The following GPR31 variants were observed in gnomAD, a reference collection of about 807,000 sequenced individuals.
The protein encoded by GPR31 is 12-(S)-hydroxy-5,8,10,14-eicosatetraenoic acid receptor.
For synonymous variants in GPR31, 209 were observed against 183.8 expected (o/e 1.14, Z -1.11); for missense variants, 394 against 400.5 (o/e 0.98, Z 0.14).
At position 167,155,912 on chromosome 6, in the gene GPR31, A is replaced by G. The variant is rs1782058217; in HGVS notation, c.*960T>C. Among the ~76,000 whole-genome samples, 1 of 152,242 alleles carries G rather than the reference A, an allele frequency of 6.6e-6. No homozygotes were observed. The highest frequency in any genetic ancestry group is 6.5e-5 in the Admixed American group (1 of 15,290). ...ATACAATTTACAAGGAATGAGATGA[A>G]AAGATGGCAGCTGTTGTAACGGCAT... On this transcript the variant is annotated 3_prime_UTR_variant, in exon 1 of 1. Transcript: ENST00000366834.
Position 167,157,638 on chromosome 6 carries a change from G to T in GPR31, c.194C>A (p.Ala65Glu), listed in dbSNP as rs1335437298. 1 of 1,613,694 alleles carries T rather than the reference G, an allele frequency of 6.2e-7. No individual in the cohort carries two copies. The highest frequency in any genetic ancestry group is 8.5e-7 in the Non-Finnish European group (1 of 1,179,944). The change falls in exon 1 of 1, where the codon GCG (alanine) becomes GAG (glutamate). Residue 65 changes from alanine (A) to glutamate (E), a missense_variant. Coordinates refer to ENST00000366834, the MANE Select transcript of GPR31 (RefSeq NM_005299.3). Reference protein sequence around the residue: ...NLALADLLLAACLPFLAAFYL... With the variant: ...NLALADLLLAECLPFLAAFYL... ...GAAGGCGGCCAGGAAAGGCAGGCAC[G>T]CAGCCAACAGCAGGTCAGCCAGGGC...
At position 167,155,466 on chromosome 6, in the gene GPR31, T is replaced by G. The variant is rs1271263250; in HGVS notation, c.*1406A>C. Among the ~76,000 whole-genome samples, 1 of 152,210 alleles carries G rather than the reference T, an allele frequency of 6.6e-6. No homozygotes were observed. The highest frequency in any genetic ancestry group is 1.5e-5 in the Non-Finnish European group (1 of 68,046). Reference sequence around the variant, plus strand: ...CACTCCCACATTTCAAATTTGGTTCTGATAAGGAACCTCCCTGGCAGGCTG... The same window carrying G: ...CACTCCCACATTTCAAATTTGGTTCGGATAAGGAACCTCCCTGGCAGGCTG... On this transcript the variant is annotated 3_prime_UTR_variant, in exon 1 of 1. Transcript: ENST00000366834.
chr6:167,157,184 C>T lies in GPR31; in HGVS notation c.648G>A (p.Lys216=), dbSNP rs773661514. The T allele has an allele frequency of 9.9e-6, 16 of 1,614,252 alleles. No individual in the cohort carries two copies. The highest frequency in any genetic ancestry group is 1.3e-5 in the Non-Finnish European group (15 of 1,180,052). ...TGACCAGTGCCTGGGCCCGCTGAAG[C>T]TTGGGCTGTTTCTCAGGCTCCCGGA... is the stretch of plus-strand genomic sequence containing the variant. The part of the protein sequence containing the change: ...KRLREPEKQP[K]LQRAQALVTL... The change falls in exon 1 of 1, where the codon AAG becomes AAA. Residue 216 remains lysine (K), a synonymous_variant. Transcript: ENST00000366834.
rs931824421 is a variant in GPR31 at position 167,155,933 on chromosome 6, G to A, written c.*939C>T. On this transcript the variant is annotated 3_prime_UTR_variant, in exon 1 of 1. Coordinates refer to ENST00000366834, the MANE Select transcript of GPR31 (RefSeq NM_005299.3). ...ATGAAAAGATGGCAGCTGTTGTAAC[G>A]GCATCCAGAGGCTGGGGCTGGACGC... 6.6e-6 allele frequency among the ~76,000 whole-genome samples: 1 copy of A among 152,180 alleles called. No homozygotes were observed.
At position 167,157,828 on chromosome 6, in the gene GPR31, G is replaced by T. The variant is rs1372536658; in HGVS notation, c.4C>A (p.Pro2Thr). 7 of 1,604,040 alleles carry T rather than the reference G, an allele frequency of 4.4e-6. No individual in the cohort carries two copies. In the Admixed American group the frequency reaches 6.8e-5, roughly 16 times the overall value. M[P>T]FPNCSAPSTV... is the part of the protein sequence containing the mutation. ...CTGGGGGCTGAGCAGTTTGGGAATGGCATCACCCGGCCGTGAGGGGCTGCA... is the reference window on the plus strand; with the variant it reads ...CTGGGGGCTGAGCAGTTTGGGAATGTCATCACCCGGCCGTGAGGGGCTGCA... The change falls in exon 1 of 1, where the codon CCA (proline) becomes ACA (threonine). Residue 2 changes from proline to threonine, a missense_variant. Coordinates refer to ENST00000366834, the MANE Select transcript of GPR31 (RefSeq NM_005299.3).
Position 167,156,307 on chromosome 6 carries a change from A to C in GPR31, c.*565T>G, listed in dbSNP as rs1782062673. On this transcript the variant is annotated 3_prime_UTR_variant, in exon 1 of 1. Coordinates refer to ENST00000366834, the MANE Select transcript of GPR31 (RefSeq NM_005299.3). This position sits in a 1 kb window ranked among gnomAD's most constrained non-coding sequence, Gnocchi z 4.5. ...GAAGCAAAATTTTATGAAAACAAAAATGTTATGTTCCAAATAAAGGCTAGC... is the reference window on the plus strand; with the variant it reads ...GAAGCAAAATTTTATGAAAACAAAACTGTTATGTTCCAAATAAAGGCTAGC... The C allele has an allele frequency of 6.6e-6, 1 of 152,234 alleles. No individual in the cohort carries two copies. Among genetic ancestry groups the C allele is most frequent in the Non-Finnish European group, 1.5e-5 (1 of 68,046 alleles). 9.4% of individuals were successfully genotyped at this position (152,234 alleles called of 1,614,324 possible).
Position 167,157,809 on chromosome 6 carries a change from G to T in GPR31, c.23C>A (p.Ala8Asp). ...AGCTGTGGCCACCACAGTGCTGGGG[G>T]CTGAGCAGTTTGGGAATGGCATCAC... is the stretch of plus-strand genomic sequence containing the variant. Reference protein sequence around the residue: MPFPNCSAPSTVVATAVG... With the variant: MPFPNCSDPSTVVATAVG... The change falls in exon 1 of 1, where the codon GCC becomes GAC. Residue 8 changes from alanine to aspartate, a missense_variant. Transcript: ENST00000366834. The T allele has an allele frequency of 8.1e-6, 13 of 1,610,240 alleles. No individual in the cohort carries two copies. Among genetic ancestry groups the T allele is most frequent in the Non-Finnish European group, 1.0e-5 (12 of 1,178,448 alleles).
chr6:167,156,326 G>C lies in GPR31; in HGVS notation c.*546C>G, dbSNP rs558610051. The C allele has an allele frequency of 2.0e-5, 3 of 152,304 alleles. No homozygotes were observed. Among genetic ancestry groups the C allele is most frequent in the East Asian group, 3.9e-4 (2 of 5,192 alleles). 9.4% of individuals were successfully genotyped at this position (152,304 alleles called of 1,614,324 possible). A position where few individuals can be genotyped will look rare whatever the true frequency, so the allele number is the denominator to read the frequency against. On this transcript the variant is annotated 3_prime_UTR_variant, in exon 1 of 1. Transcript: ENST00000366834. The surrounding 1 kb of genome is among the most constrained non-coding windows in gnomAD (Gnocchi z 4.5). ...ACAAAAATGTTATGTTCCAAATAAA[G>C]GCTAGCATGTACGACAGTACCTTAT...
Position 167,157,279 on chromosome 6 carries a change from G to A in GPR31, c.553C>T (p.Gln185Ter). ...ATGAGGCCAAAGGGGAGGACAAACT[G>A]AAGGCAGGAGAGTGCTTCCTGCCAG... ...IIWQEALSCL[Q>*]FVLPFGLIVF... Residue 185 changes from glutamine to a stop codon, truncating the protein, a stop_gained, in exon 1 of 1, where the codon CAG becomes TAG. Transcript: ENST00000366834. LOFTEE classifies it low-confidence loss of function (END_TRUNC). 6.2e-7 allele frequency: 1 copy of A among 1,614,190 alleles called. No homozygotes were observed. Among genetic ancestry groups the A allele is most frequent in the Non-Finnish European group, 8.5e-7 (1 of 1,180,026 alleles).
Position 167,156,373 on chromosome 6 carries a change from G to A in GPR31, c.*499C>T, listed in dbSNP as rs1433834627. On this transcript the variant is annotated 3_prime_UTR_variant, in exon 1 of 1. Coordinates refer to ENST00000366834, the MANE Select transcript of GPR31 (RefSeq NM_005299.3). This position sits in a 1 kb window ranked among gnomAD's most constrained non-coding sequence, Gnocchi z 4.5. ...TTATATACAGCAGAGTCTCTTTTTAGAACCAGGGCACTTTCTGATGTCGGT... is the reference window on the plus strand; with the variant it reads ...TTATATACAGCAGAGTCTCTTTTTAAAACCAGGGCACTTTCTGATGTCGGT... 2.0e-5 allele frequency: 3 copies of A among 153,334 alleles called. No homozygotes were observed. The highest frequency in any genetic ancestry group is 4.3e-5 in the Non-Finnish European group (3 of 69,020). The allele number at this position is 153,334 out of a possible 1,614,324, so 9.5% of individuals were successfully genotyped here. A position where few individuals can be genotyped will look rare whatever the true frequency, so the allele number is the denominator to read the frequency against.
rs751951537 is a variant in GPR31 at position 167,157,001 on chromosome 6, G to A, written c.831C>T (p.Leu277=). Residue 277 remains leucine (L), a synonymous_variant, in exon 1 of 1, where the codon CTC becomes CTT. Transcript: ENST00000366834. ...TGSLTYLHSV[L]NPVVYCFSSP... is the part of the protein sequence containing the mutation. ...TGGAGAAGCAGTATACCACGGGGTT[G>A]AGCACACTGTGCAGGTAGGTGAGGC... 1 of 1,614,162 alleles carries A rather than the reference G, an allele frequency of 6.2e-7. No homozygotes were observed. The highest frequency in any genetic ancestry group is 8.5e-7 in the Non-Finnish European group (1 of 1,180,024).
Position 167,155,258 on chromosome 6 carries a change from G to A in GPR31, c.*1614C>T, listed in dbSNP as rs187011340. 1.3e-5 allele frequency among the ~76,000 whole-genome samples: 2 copies of A among 150,598 alleles called. No homozygotes were observed. The highest frequency in any genetic ancestry group is 4.9e-5 in the African/African-American group (2 of 40,816). Reference sequence around the variant, plus strand: ...CAGTGTAGAACGAGTCCACATTAAAGAATTTTATTCAGACATTTCACAACT... The same window carrying A: ...CAGTGTAGAACGAGTCCACATTAAAAAATTTTATTCAGACATTTCACAACT... On this transcript the variant is annotated 3_prime_UTR_variant, in exon 1 of 1. Transcript: ENST00000366834.
At position 167,155,731 on chromosome 6, in the gene GPR31, T is replaced by A. The variant is rs554019967; in HGVS notation, c.*1141A>T. ...TGAGGGGCAGCTCACCAGGCCCATG[T>A]CGTGACAAGGCAGGCCTCCCGCCTC... On this transcript the variant is annotated 3_prime_UTR_variant, in exon 1 of 1. Transcript: ENST00000366834. Among the ~76,000 whole-genome samples, 4 of 152,386 alleles carry A rather than the reference T, an allele frequency of 2.6e-5. 1 individual carries two copies. In the East Asian group the frequency reaches 7.7e-4, roughly 29 times the overall value.
chr6:167,156,897 A>T lies in GPR31; in HGVS notation c.935T>A (p.Phe312Tyr). 6.2e-7 allele frequency: 1 copy of T among 1,605,108 alleles called. No homozygotes were observed. Residue 312 changes from phenylalanine (F) to tyrosine (Y), a missense_variant, in exon 1 of 1, where the codon TTC becomes TAC. Phe to Tyr is a conservative substitution (Grantham distance 22). Coordinates refer to ENST00000366834, the MANE Select transcript of GPR31 (RefSeq NM_005299.3). The surrounding 1 kb of genome is among the most constrained non-coding windows in gnomAD (Gnocchi z 4.5). ...GKGQAAEPPDFNPRDSYS is the reference protein window; with the variant it reads ...GKGQAAEPPDYNPRDSYS ...TCAGGAATAGGAGTCTCTGGGGTTG[A>T]AATCTGGGGGCTCTGCTGCCTGCCC... is the stretch of plus-strand genomic sequence containing the variant.
chr6:167,157,335 T>C lies in GPR31; in HGVS notation c.497A>G (p.Tyr166Cys), dbSNP rs190631222. 6.2e-7 allele frequency: 1 copy of C among 1,612,880 alleles called. No homozygotes were observed. Among genetic ancestry groups the C allele is most frequent in the Non-Finnish European group, 8.5e-7 (1 of 1,179,834 alleles). ...AQNSTRCHSF[Y>C]SRADGSFSII... ...GCTGAAGGAGCCGTCTGCCCTGGAGTAGAAACTGTGGCACCTGGTGGAGTT... is the reference window on the plus strand; with the variant it reads ...GCTGAAGGAGCCGTCTGCCCTGGAGCAGAAACTGTGGCACCTGGTGGAGTT... Residue 166 changes from tyrosine to cysteine, a missense_variant, in exon 1 of 1, where the codon TAC becomes TGC. Transcript: ENST00000366834.
In GPR31 at chr6:167,157,870, G is replaced by A. The variant is rs199784545; in HGVS notation, c.-39C>T. The A allele has an allele frequency of 5.8e-6, 9 of 1,561,510 alleles. No individual in the cohort carries two copies. The East Asian group carries it at 2.1e-4, about 36-fold the overall frequency. Reference sequence around the variant, plus strand: ...GGGGCTGCAGGCACAGCTGGAGCAGGTACAGGAGGAACTCTGTGCTCTTTC... The same window carrying A: ...GGGGCTGCAGGCACAGCTGGAGCAGATACAGGAGGAACTCTGTGCTCTTTC... On this transcript the variant is annotated 5_prime_UTR_variant, in exon 1 of 1. Transcript: ENST00000366834.
chr6:167,157,383 A>G lies in GPR31; in HGVS notation c.449T>C (p.Leu150Ser). 9.9e-6 allele frequency: 16 copies of G among 1,613,348 alleles called. No individual in the cohort carries two copies. Among genetic ancestry groups the G allele is most frequent in the Non-Finnish European group, 1.4e-5 (16 of 1,180,012 alleles). ...GTTCTGGGCGGCCTCAGAGATGAGC[A>G]AGCCCGGGCAGGTGAGGGCGACCAT... The part of the protein sequence containing the change: ...LLMVALTCPG[L>S]LISEAAQNST... Residue 150 changes from leucine to serine, a missense_variant, in exon 1 of 1, where the codon TTG (leucine) becomes TCG (serine). Leu to Ser is a moderately radical substitution (Grantham distance 145, BLOSUM62 -2). Coordinates refer to ENST00000366834, the MANE Select transcript of GPR31 (RefSeq NM_005299.3).
chr6:167,156,776 A>C lies in GPR31; in HGVS notation c.*96T>G. 1 of 1,336,206 alleles carries C rather than the reference A, an allele frequency of 7.5e-7. No homozygotes were observed. Among genetic ancestry groups the C allele is most frequent in the Non-Finnish European group, 1.0e-6 (1 of 969,470 alleles). 82.8% of individuals were successfully genotyped at this position (1,336,206 alleles called of 1,614,324 possible). A position where few individuals can be genotyped will look rare whatever the true frequency, so the allele number is the denominator to read the frequency against. On this transcript the variant is annotated 3_prime_UTR_variant, in exon 1 of 1. Transcript: ENST00000366834. This position sits in a 1 kb window ranked among gnomAD's most constrained non-coding sequence, Gnocchi z 4.5. ...CTCTGATCCTTGTATTGCAGTCTTA[A>C]GACTTCTTCTTCTTCCAGAATCCCA...
chr6:167,156,771 T>C lies in GPR31; in HGVS notation c.*101A>G. 6 of 1,288,732 alleles carry C rather than the reference T, an allele frequency of 4.7e-6. No homozygotes were observed. Among genetic ancestry groups the C allele is most frequent in the Non-Finnish European group, 6.5e-6 (6 of 926,452 alleles). The allele number at this position is 1,288,732 out of a possible 1,614,324, so 79.8% of individuals were successfully genotyped here. ...TTATGCTCTGATCCTTGTATTGCAGTCTTAAGACTTCTTCTTCTTCCAGAA... is the reference window on the plus strand; with the variant it reads ...TTATGCTCTGATCCTTGTATTGCAGCCTTAAGACTTCTTCTTCTTCCAGAA... On this transcript the variant is annotated 3_prime_UTR_variant, in exon 1 of 1. Transcript: ENST00000366834. The surrounding 1 kb of genome is among the most constrained non-coding windows in gnomAD (Gnocchi z 4.5).
Sources: allele counts gnomAD v4.1 joint callset (sites outside exome capture counted in the v4.1 genomes callset), GRCh38; gene constraint gnomAD v4.1.1; non-coding constraint Gnocchi (gnomAD v3.1); transcripts MANE v1.5; gene names NCBI Gene and HGNC (gene_info 2026-07-23, HGNC 2026-07-21).